Variants in GON4L observed in about 807,000 individuals in gnomAD.
GON4L encodes the protein GON-4-like protein.
GON4L carries 87 observed loss-of-function variants against 211.8 expected under a neutral mutation model. The ratio of observed to expected loss-of-function variants is 0.41; its 90% CI spans 0.35 to 0.49. The LOEUF is 0.49. Ranked by LOEUF, GON4L falls within the 20% of genes least tolerant of loss-of-function variation. GON4L has a pLI of 0.15. For synonymous variants in GON4L, 875 were observed against 962.6 expected, an observed-to-expected ratio of 0.91 and a Z score of 1.68; for missense variants, 2,155 against 2,659.5, an observed-to-expected ratio of 0.81 and a Z score of 4.17.
chr1:155,822,276 T>C lies in GON4L; in HGVS notation c.888+10A>G. The C allele has an allele frequency of 1.6e-5, 25 of 1,606,978 alleles. No homozygotes were observed. The highest frequency in any genetic ancestry group is 2.1e-5 in the Non-Finnish European group (25 of 1,173,462). On this transcript the variant is annotated intron_variant, in intron 4 of 31. Coordinates refer to ENST00000368331, the MANE Select transcript of GON4L (RefSeq NM_001282860.2). ...CCTTCCATTTACATAACTGCCCCAG[T>C]CTTACTCACATGAAGGATGTTTCGG...
chr1:155,830,279 A>ATT (rs879738389), intron 2 of GON4L, among the ~76,000 whole-genome samples: 3 of 140,670 alleles, frequency 2.1e-5, no homozygotes, highest in East Asian at 4.2e-4. Flanking sequence ...AGCAGTTCCA[A>ATT]TTTTTTTTTT....
intron 19 of GON4L, among the ~76,000 whole-genome samples, chr1:155,767,772 A>T (rs1662687640): frequency 6.6e-6 from 1 of 152,212 alleles, no homozygotes; most frequent in Admixed American, 6.5e-5. Flanking sequence ...ACAATTATTC[A>T]ATATTTTCTA....
intron 11 of GON4L, among the ~76,000 whole-genome samples, chr1:155,800,089 C>T (rs1666485517): frequency 6.6e-6 from 1 of 151,608 alleles, no homozygotes; most frequent in African/African-American, 2.4e-5. Context: ...AATCCAGTTA[C>T]TTGGGAGGCT....
chr1:155,747,816 G>A (rs192357238), downstream of GON4L: 1,170 of 1,606,366 alleles, frequency 7.3e-4, 8 homozygotes, highest in African/African-American at 0.013. Context: ...AGGCGCGAAG[G>A]CGGCAGAGCT....
At chr1:155,811,835 C>T (rs947160617) in intron 10 of GON4L, among the ~76,000 whole-genome samples, 2 of 145,210 alleles carry the variant, frequency 1.4e-5, no homozygotes, top group Admixed American at 7.1e-5. Flanking sequence ...GAGGCTGAGG[C>T]GGGTCAGGAG....
intron 2 of GON4L, chr1:155,845,288 T>C (rs572893476): frequency 1.1e-4 from 20 of 189,200 alleles, no homozygotes; most frequent in Admixed American, 2.5e-4. Flanking sequence ...TCACTGCTTA[T>C]TATACACTAA....
At chr1:155,819,782 T>C (rs1181570206) in intron 6 of GON4L, among the ~76,000 whole-genome samples, 4 of 152,236 alleles carry the variant, frequency 2.6e-5, no homozygotes, top group Admixed American at 1.3e-4. Context: ...ACTTCAGATG[T>C]CTTCAAGTGG....
At chr1:155,749,336 C>T, downstream of GON4L, 1 of 1,610,706 alleles carries the variant, frequency 6.2e-7, no homozygotes, top group Non-Finnish European at 8.5e-7. Flanking sequence ...GCCAGCTCAC[C>T]CCAGGGACAC....
intron 19 of GON4L, among the ~76,000 whole-genome samples, chr1:155,769,265 C>T (rs780117893): frequency 6.6e-5 from 10 of 151,830 alleles, no homozygotes; most frequent in Non-Finnish European, 1.2e-4. Flanking sequence ...CCTGAGCCAC[C>T]GTGTACGGCC....
At chr1:155,789,507 T>C (rs1665304309) in intron 12 of GON4L, among the ~76,000 whole-genome samples, 1 of 151,896 alleles carries the variant, frequency 6.6e-6, no homozygotes, top group Admixed American at 6.6e-5. Flanking sequence ...CAGGTGCCAT[T>C]GTGCACACTT....
intron 11 of GON4L, among the ~76,000 whole-genome samples, chr1:155,799,551 A>T (rs563786054): frequency 3.5e-4 from 53 of 152,304 alleles, no homozygotes; most frequent in Non-Finnish European, 6.2e-4. Flanking sequence ...CCTTTCCCAG[A>T]CCAGTAGTTT....
chr1:155,767,713 C>T (rs761016294), intron 19 of GON4L, among the ~76,000 whole-genome samples, 172 bp from the exon 20 acceptor site: 3 of 152,094 alleles, frequency 2.0e-5, no homozygotes, highest in Non-Finnish European at 4.4e-5. Context: ...ATAGCATATG[C>T]TGAATACTTG....
intron 19 of GON4L, among the ~76,000 whole-genome samples, chr1:155,769,322 A>G (rs1165276761): frequency 6.6e-6 from 1 of 152,214 alleles, no homozygotes; most frequent in Non-Finnish European, 1.5e-5. Flanking sequence ...AAATGCTACT[A>G]GAATGTGTTT....
Position 155,775,846 on chromosome 1 carries a change from G to A in GON4L, c.2178+549C>T, listed in dbSNP as rs142701086. ...GCTGCCCAGGCTTGAGTGCAGTGGC[G>A]CGATCTCAGCTCACTGTAACCCTCA... On this transcript the variant is annotated intron_variant, in intron 16 of 31. Coordinates refer to ENST00000368331, the MANE Select transcript of GON4L (RefSeq NM_001282860.2). 4.7e-3 allele frequency among the ~76,000 whole-genome samples: 708 copies of A among 152,100 alleles called. 1 individual carries two copies. The highest frequency in any genetic ancestry group is 8.1e-3 in the Non-Finnish European group (548 of 67,982).
In GON4L at chr1:155,802,548, G is replaced by A. The variant is rs527586829; in HGVS notation, c.1645+2401C>T. Among the ~76,000 whole-genome samples the A allele has an allele frequency of 3.9e-3, 589 of 152,174 alleles. 3 individuals are homozygous for A. Among genetic ancestry groups the A allele is most frequent in the African/African-American group, 0.013 (552 of 41,520 alleles). On this transcript the variant is annotated intron_variant, in intron 11 of 31. Transcript: ENST00000368331. Reference sequence around the variant, plus strand: ...CCATTTCAATTACCAGCTCTTTCATGTAGCTGTCTCTGATCATCCTAAACA... The same window carrying A: ...CCATTTCAATTACCAGCTCTTTCATATAGCTGTCTCTGATCATCCTAAACA...
intron 15 of GON4L, 121 bp from the exon 16 acceptor site, chr1:155,776,602 G>C: frequency 1.2e-6 from 1 of 807,886 alleles, no homozygotes; most frequent in East Asian, 2.6e-5. Flanking sequence ...TCAGGCTGAT[G>C]TGCAGTGATG....
At chr1:155,790,246 TGA>T (rs1263088397) in intron 12 of GON4L, among the ~76,000 whole-genome samples, 7 of 152,008 alleles carry the variant, frequency 4.6e-5, no homozygotes, top group African/African-American at 1.7e-4. Flanking sequence ...ACTACAGGCG[TGA>T]GCCACCACAC....
chr1:155,802,600 C>T (rs1474963819), intron 11 of GON4L, among the ~76,000 whole-genome samples: 1 of 152,170 alleles, frequency 6.6e-6, no homozygotes, highest in Non-Finnish European at 1.5e-5. Context: ...CTTCTAAAAT[C>T]TTACAACAGC....
intron 2 of GON4L, among the ~76,000 whole-genome samples, chr1:155,851,768 T>C (rs1413272863): frequency 6.6e-6 from 1 of 151,418 alleles, no homozygotes; most frequent in Admixed American, 6.6e-5. Flanking sequence ...ATAAATGTGT[T>C]CTACTTAGAC....
Sources: allele counts gnomAD v4.1 joint callset (sites outside exome capture counted in the v4.1 genomes callset), GRCh38; gene constraint gnomAD v4.1.1; transcripts MANE v1.5; gene names NCBI Gene and HGNC (gene_info 2026-07-23, HGNC 2026-07-21).